The following DLGAP4 variants were observed in gnomAD, a reference collection of about 807,000 sequenced individuals.
DLGAP4 encodes DLG associated protein 4, also known as disks large-associated protein 4.
In DLGAP4, 18 loss-of-function variants were observed where a neutral mutation model predicts 86.9. The ratio of observed to expected loss-of-function variants is 0.21; its 90% CI spans 0.14 to 0.31. DLGAP4 has a LOEUF of 0.31. Ranked by LOEUF, DLGAP4 falls within the 10% of genes least tolerant of loss-of-function variation. The pLI, the probability that DLGAP4 is intolerant of heterozygous loss-of-function variation, is 1.00. For synonymous variants in DLGAP4, 548 were observed against 574.3 expected, an observed-to-expected ratio of 0.95 and a Z score of 0.65; for missense variants, 1,085 against 1,362.6, an observed-to-expected ratio of 0.80 and a Z score of 3.21.
intron 2 of DLGAP4, among the ~76,000 whole-genome samples, chr20:36,396,334 CACGCACACACA>C (rs2031951682): frequency 2.8e-3 from 1 of 358 alleles, no homozygotes; most frequent in Admixed American, 0.026. Context: ...CACACACACA[CACGCACACACA>C]CACACACATA....
intron 2 of DLGAP4, among the ~76,000 whole-genome samples, chr20:36,378,965 G>A (rs186980832): frequency 1.9e-4 from 29 of 152,266 alleles, no homozygotes; most frequent in Non-Finnish European, 3.8e-4. Context: ...AGATGGGCAC[G>A]CTTCCTGCCC....
chr20:36,488,062 T>TG (rs1436205172), intron 7 of DLGAP4, among the ~76,000 whole-genome samples: 1 of 151,890 alleles, frequency 6.6e-6, no homozygotes. Context: ...TAGCCGGGCA[T>TG]GGTGGCGCGC....
intron 4 of DLGAP4, among the ~76,000 whole-genome samples, chr20:36,436,635 G>C (rs2033289388): frequency 6.6e-6 from 1 of 152,148 alleles, no homozygotes; most frequent in Non-Finnish European, 1.5e-5. Flanking sequence ...TAGCCAACAT[G>C]GGGAAACCCC....
At position 36,528,075 on chromosome 20, in the gene DLGAP4, T is replaced by A. The variant is rs1390278354; in HGVS notation, c.*1044T>A. 6.6e-6 allele frequency: 1 copy of A among 152,230 alleles called. No individual in the cohort carries two copies. The highest frequency in any genetic ancestry group is 2.4e-5 in the African/African-American group (1 of 41,318). The allele number at this position is 152,230 out of a possible 1,614,324, so 9.4% of individuals were successfully genotyped here. A position where few individuals can be genotyped will look rare whatever the true frequency, so the allele number is the denominator to read the frequency against. ...TGTGAATAGCATATATTTTTACATG[T>A]ACTATATCTAGGTGTGTGTACAAGT... On this transcript the variant is annotated 3_prime_UTR_variant, in exon 13 of 13. Coordinates refer to ENST00000339266, the MANE Select transcript of DLGAP4 (RefSeq NM_001365621.2).
At chr20:36,494,227 T>C (rs1207312216) in intron 7 of DLGAP4, among the ~76,000 whole-genome samples, 1 of 152,176 alleles carries the variant, frequency 6.6e-6, no homozygotes, top group East Asian at 1.9e-4. Context: ...CAGAGCACTT[T>C]GTGGCCTCTG....
At position 36,308,417 on chromosome 20, in the gene DLGAP4, C is replaced by T. The variant is rs2065024599; in HGVS notation, c.-304+1905C>T. 6.6e-6 allele frequency among the ~76,000 whole-genome samples: 1 copy of T among 152,192 alleles called. No individual in the cohort carries two copies. The highest frequency in any genetic ancestry group is 2.4e-5 in the African/African-American group (1 of 41,448). On this transcript the variant is annotated intron_variant, in intron 1 of 12. Transcript: ENST00000339266. The surrounding 1 kb of genome is among the most constrained non-coding windows in gnomAD (Gnocchi z 4.5). ...AGAGAAACTGTGAGCTGGACGGGAC[C>T]TGATGGCTGGGTTATGTGGAACCCC...
At chr20:36,427,343 T>G (rs1343515401) in intron 2 of DLGAP4, among the ~76,000 whole-genome samples, 1 of 151,922 alleles carries the variant, frequency 6.6e-6, no homozygotes, top group Admixed American at 6.6e-5. Flanking sequence ...CCGGATGTGG[T>G]GGCATGCACC....
rs866546083 is a variant in DLGAP4, at chr20:36,417,470, C to G, written c.-72-14176C>G. Among the ~76,000 whole-genome samples, 31 of 152,112 alleles carry G rather than the reference C, an allele frequency of 2.0e-4. 1 individual carries two copies. Among genetic ancestry groups the G allele is most frequent in the African/African-American group, 7.5e-4 (31 of 41,410 alleles). ...AATCACGGCTCACTGAAGCCTCAAC[C>G]TCCCAGGCTCAAGCAATCTTCCCGT... On this transcript the variant is annotated intron_variant, in intron 2 of 12. Transcript: ENST00000339266.
At chr20:36,497,101 C>T (rs1458911192) in intron 8 of DLGAP4, 35 bp downstream of exon 8, 18 of 1,547,482 alleles carry the variant, frequency 1.2e-5, no homozygotes, top group African/African-American at 2.7e-5. Context: ...GTCCTCAGCC[C>T]ACTCCGTGCA....
At chr20:36,461,666 C>G (rs1294415479) in intron 7 of DLGAP4, 6 of 172,528 alleles carry the variant, frequency 3.5e-5, no homozygotes, top group Non-Finnish European at 5.8e-5. Flanking sequence ...CCGCCCCGCC[C>G]GGCCCGGCCC....
At chr20:36,321,969 G>A (rs1325301244) in intron 1 of DLGAP4, among the ~76,000 whole-genome samples, 1 of 152,164 alleles carries the variant, frequency 6.6e-6, no homozygotes, top group African/African-American at 2.4e-5. Context: ...CCCACTTGAT[G>A]CCAGACCCTG....
chr20:36,486,216 C>G (rs2035404794), intron 7 of DLGAP4, among the ~76,000 whole-genome samples: 2 of 152,182 alleles, frequency 1.3e-5, no homozygotes, highest in Admixed American at 1.3e-4. Flanking sequence ...AGGTCCCCAC[C>G]ATCAGGGACC....
At chr20:36,385,849 C>G (rs1430241929) in intron 2 of DLGAP4, among the ~76,000 whole-genome samples, 1 of 152,190 alleles carries the variant, frequency 6.6e-6, no homozygotes, top group Admixed American at 6.5e-5. Flanking sequence ...AGGTGGCCAC[C>G]TGCTCTCATG....
At chr20:36,514,278 A>G (rs1229059398) in intron 10 of DLGAP4, among the ~76,000 whole-genome samples, 1 of 152,180 alleles carries the variant, frequency 6.6e-6, no homozygotes, top group Non-Finnish European at 1.5e-5. Flanking sequence ...AAGCATGGGT[A>G]AGGTAGCCTG....
chr20:36,483,997 G>A (rs1008879661), intron 7 of DLGAP4, among the ~76,000 whole-genome samples: 2 of 152,230 alleles, frequency 1.3e-5, no homozygotes, highest in African/African-American at 4.8e-5. Context: ...CTGGCAGGTG[G>A]CACCTAACTC....
chr20:36,521,383 C>T (rs954404248), intron 10 of DLGAP4, among the ~76,000 whole-genome samples: 1 of 152,018 alleles, frequency 6.6e-6, no homozygotes, highest in African/African-American at 2.4e-5. Flanking sequence ...TTACTTAGTC[C>T]CTACTTCTGT....
At chr20:36,454,966 C>T (rs983983421) in intron 7 of DLGAP4, among the ~76,000 whole-genome samples, 1 of 152,164 alleles carries the variant, frequency 6.6e-6, no homozygotes, top group Non-Finnish European at 1.5e-5. Flanking sequence ...GACTGGCAGG[C>T]GGGGTCAGCT....
intron 2 of DLGAP4, among the ~76,000 whole-genome samples, chr20:36,369,047 C>T (rs967129902): frequency 3.9e-5 from 6 of 152,194 alleles, no homozygotes; most frequent in Non-Finnish European, 8.8e-5. Context: ...TTCCTTGGCA[C>T]GAGCTGGGTG....
At chr20:36,454,678 C>T (rs896032851) in intron 7 of DLGAP4, among the ~76,000 whole-genome samples, 5 of 152,246 alleles carry the variant, frequency 3.3e-5, no homozygotes, top group African/African-American at 1.2e-4. Flanking sequence ...TCTGAGCCCC[C>T]ACGTTGCTGA....
Sources: gnomAD v4.1 joint callset for allele counts (sites outside exome capture counted in the v4.1 genomes callset) on GRCh38, gnomAD v4.1.1 for gene constraint, Gnocchi (gnomAD v3.1) non-coding constraint, MANE v1.5 for transcripts, NCBI Gene and HGNC (gene_info 2026-07-23, HGNC 2026-07-21) for gene names.